TENM2: variants seen among roughly 807,000 people sequenced by gnomAD.
TENM2 encodes teneurin transmembrane protein 2.
TENM2 carries 52 observed loss-of-function variants against 245.2 expected under a neutral mutation model. The observed-to-expected ratio is 0.21, with a 90% CI of 0.17 to 0.27. The LOEUF (loss-of-function observed/expected upper bound fraction) is 0.27, where lower values mean the gene tolerates loss of function less well. Ranked by LOEUF, TENM2 falls within the 10% of genes least tolerant of loss-of-function variation. The pLI, the probability that TENM2 is intolerant of heterozygous loss-of-function variation, is 1.00. For missense variants in TENM2, 3,046 were observed against 3,666.8 expected (o/e 0.83, Z 4.37); for synonymous variants, 1,363 against 1,438.9 (o/e 0.95, Z 1.19).
intron 2 of TENM2, among the ~76,000 whole-genome samples, chr5:167,528,727 A>G (rs1721128424): frequency 6.6e-6 from 1 of 152,196 alleles, no homozygotes; most frequent in African/African-American, 2.4e-5. Flanking sequence ...CAGCGTTCGT[A>G]GCTGCTCAGC....
chr5:168,052,765 T>C (rs767344550), intron 6 of TENM2, among the ~76,000 whole-genome samples: 3 of 152,150 alleles, frequency 2.0e-5, no homozygotes, highest in Non-Finnish European at 4.4e-5. Flanking sequence ...TCTCGGTTTA[T>C]AACTCAGCTG....
chr5:167,576,317 G>A (rs1010883448), intron 2 of TENM2, among the ~76,000 whole-genome samples: 3 of 138,986 alleles, frequency 2.2e-5, no homozygotes, highest in African/African-American at 8.0e-5. Flanking sequence ...TTGCTGGAGA[G>A]CAAAGAAAAG....
intron 7 of TENM2, among the ~76,000 whole-genome samples, chr5:168,088,529 C>T (rs1299821087): frequency 6.6e-6 from 1 of 152,194 alleles, no homozygotes; most frequent in Non-Finnish European, 1.5e-5. Flanking sequence ...CCACGCACTG[C>T]TCGTCCGTAA....
At chr5:168,253,443 T>TTTTA (rs1767329962) in intron 27 of TENM2, among the ~76,000 whole-genome samples, 1 of 150,608 alleles carries the variant, frequency 6.6e-6, no homozygotes, top group African/African-American at 2.4e-5. Context: ...TTTTTTTTTT[T>TTTTA]GAGACAGAGT....
At chr5:168,148,030 G>A (rs1013391943) in intron 12 of TENM2, among the ~76,000 whole-genome samples, 2 of 152,128 alleles carry the variant, frequency 1.3e-5, no homozygotes, top group Non-Finnish European at 2.9e-5. Flanking sequence ...GAGGATTATC[G>A]ATTTTTGTAG....
chr5:168,186,789 A>T (rs1760482107), intron 13 of TENM2: 1 of 152,228 alleles, frequency 6.6e-6, no homozygotes, highest in South Asian at 2.1e-4. Flanking sequence ...TGAACTGGCA[A>T]TTCAGAACAG....
intron 4 of TENM2, among the ~76,000 whole-genome samples, chr5:167,962,472 T>C (rs577855670): frequency 6.6e-6 from 1 of 152,304 alleles, no homozygotes; most frequent in South Asian, 2.1e-4. Flanking sequence ...TCTAGTCTCA[T>C]GTATGAAAAT....
At chr5:167,874,765 A>G (rs150682570) in intron 2 of TENM2, among the ~76,000 whole-genome samples, 236 of 152,336 alleles carry the variant, frequency 1.5e-3, no homozygotes, top group African/African-American at 5.4e-3. Context: ...TGTGAAGGAG[A>G]GGATGCAGCA....
intron 2 of TENM2, among the ~76,000 whole-genome samples, chr5:167,665,868 T>A (rs1289823700): frequency 6.6e-6 from 1 of 152,202 alleles, no homozygotes; most frequent in Non-Finnish European, 1.5e-5. Context: ...TTCATTGACA[T>A]TATCTTCTAA....
At chr5:167,225,478 A>G in the TENM2 span, among the ~76,000 whole-genome samples, 1 of 152,006 alleles carries the variant, frequency 6.6e-6, no homozygotes, top group African/African-American at 2.4e-5. Context: ...ATTGATTTGC[A>G]TATGTTAGAC....
chr5:167,871,428 T>A (rs1319833180), intron 2 of TENM2, among the ~76,000 whole-genome samples: 3 of 149,054 alleles, frequency 2.0e-5, no homozygotes, highest in Admixed American at 6.6e-5. Context: ...AAAAAAAAAA[T>A]TCATGAGTTC....
At chr5:168,178,472 G>C (rs1374563997) in intron 13 of TENM2, among the ~76,000 whole-genome samples, 1 of 152,158 alleles carries the variant, frequency 6.6e-6, no homozygotes, top group Non-Finnish European at 1.5e-5. Context: ...GCTGCAGCCA[G>C]GATAGAAATC....
chr5:167,018,140 T>C, the TENM2 span, among the ~76,000 whole-genome samples: 2 of 152,222 alleles, frequency 1.3e-5, no homozygotes, highest in African/African-American at 4.8e-5. Context: ...CTCAATCACA[T>C]TCATTAACCT....
At chr5:167,499,113 A>G (rs200727075) in intron 2 of TENM2, among the ~76,000 whole-genome samples, 7 of 152,016 alleles carry the variant, frequency 4.6e-5, no homozygotes, top group South Asian at 2.1e-4. Flanking sequence ...CTTCATCCCA[A>G]TGCAACTTCT....
At chr5:167,585,111 A>G (rs1024875087) in intron 2 of TENM2, among the ~76,000 whole-genome samples, 4 of 152,174 alleles carry the variant, frequency 2.6e-5, no homozygotes, top group Non-Finnish European at 5.9e-5. Context: ...TTTGTTCCCA[A>G]GTCTTAGTCT....
At chr5:167,824,178 A>G (rs1278152875) in intron 2 of TENM2, among the ~76,000 whole-genome samples, 1 of 152,198 alleles carries the variant, frequency 6.6e-6, no homozygotes, top group Non-Finnish European at 1.5e-5. Context: ...GAAGTTGCCA[A>G]GGAGGTCCCT....
the TENM2 span, among the ~76,000 whole-genome samples, chr5:167,029,097 A>G: frequency 6.6e-6 from 1 of 152,172 alleles, no homozygotes; most frequent in Non-Finnish European, 1.5e-5. Flanking sequence ...ACAACACTGT[A>G]CTTAATTTTA....
In TENM2 at chr5:167,478,988, A is replaced by ATGTG. The variant is rs199668382; in HGVS notation, c.502+103516_502+103517insGTGT. ...ATGATTGCATATGACTACTTTATATATATGTGTGTGTGTGTGTATACAGGT... is the reference window on the plus strand; with the variant it reads ...ATGATTGCATATGACTACTTTATATATGTGTATGTGTGTGTGTGTGTATACAGGT... On this transcript the variant is annotated intron_variant, in intron 2 of 28. Coordinates refer to ENST00000518659, the Ensembl canonical transcript of TENM2. Among the ~76,000 whole-genome samples, 631 of 22,410 alleles carry ATGTG rather than the reference A, an allele frequency of 0.028. 33 individuals carry two copies. The South Asian group carries it at 0.42, about 15-fold the overall frequency. 14.7% of individuals were successfully genotyped at this position (22,410 alleles called of 152,430 possible). A position where few individuals can be genotyped will look rare whatever the true frequency, so the allele number is the denominator to read the frequency against.
chr5:167,476,245 A>G (rs549508685), intron 2 of TENM2, among the ~76,000 whole-genome samples: 2 of 152,338 alleles, frequency 1.3e-5, no homozygotes, highest in South Asian at 4.1e-4. Context: ...TTTACAGTGT[A>G]GAATCTTTTT....
Sources: gnomAD v4.1 joint callset for allele counts (sites outside exome capture counted in the v4.1 genomes callset) on GRCh38, gnomAD v4.1.1 for gene constraint, MANE v1.5 for transcripts, NCBI Gene and HGNC (gene_info 2026-07-23, HGNC 2026-07-21) for gene names.